The following MFHAS1 variants were observed in gnomAD, a reference collection of about 807,000 sequenced individuals.
MFHAS1 encodes malignant fibrous histiocytoma-amplified sequence 1.
MFHAS1 carries 50 observed loss-of-function variants against 70.4 expected under a neutral mutation model. That is an observed-to-expected ratio of 0.71 (90% CI 0.57 to 0.90). The LOEUF (loss-of-function observed/expected upper bound fraction) is 0.90. Ranked by LOEUF, MFHAS1 falls within the 40% of genes least tolerant of loss-of-function variation. The probability of loss-of-function intolerance (pLI) is 0.00; values close to 1 mark genes in which losing one functional copy is unlikely to be tolerated. For synonymous variants in MFHAS1, 952 were observed against 620.0 expected, an observed-to-expected ratio of 1.54 and a Z score of -7.96; for missense variants, 1,795 against 1,347.6, an observed-to-expected ratio of 1.33 and a Z score of -5.20.
intron 2 of MFHAS1, among the ~76,000 whole-genome samples, chr8:8,791,979 C>T (rs564847777): frequency 2.0e-5 from 3 of 152,264 alleles, no homozygotes; most frequent in Non-Finnish European, 4.4e-5. Flanking sequence ...CGGTGGCTCA[C>T]GCCTGTAATC....
chr8:8,808,496 C>T (rs1806419695), intron 1 of MFHAS1, among the ~76,000 whole-genome samples: 1 of 152,120 alleles, frequency 6.6e-6, no homozygotes, highest in African/African-American at 2.4e-5. Context: ...TTTGGATCTG[C>T]CAAAGAGAAG....
chr8:8,832,086 A>ACACACACG (rs1447418635), intron 1 of MFHAS1, among the ~76,000 whole-genome samples: 43 of 151,718 alleles, frequency 2.8e-4, no homozygotes, highest in African/African-American at 9.7e-4. Context: ...ACACACACAC[A>ACACACACG]CACGCACCAA....
In MFHAS1 at chr8:8,801,499, C is replaced by T. The variant is rs143439943; in HGVS notation, c.2999-4008G>A. ...TTGTATACTCCAACAACCTACTACG[C>T]GGTGCCAGTATCCTCAGGATTTAAG... On this transcript the variant is annotated intron_variant, in intron 1 of 2. Coordinates refer to ENST00000276282, the MANE Select transcript of MFHAS1 (RefSeq NM_004225.3). 4.6e-5 allele frequency among the ~76,000 whole-genome samples: 7 copies of T among 152,290 alleles called. No individual in the cohort carries two copies. The East Asian group carries it at 5.8e-4, about 13-fold the overall frequency.
chr8:8,819,292 A>T (rs1311797755), intron 1 of MFHAS1, among the ~76,000 whole-genome samples: 1 of 152,196 alleles, frequency 6.6e-6, no homozygotes, highest in African/African-American at 2.4e-5. Flanking sequence ...TTTTTAAACC[A>T]TAGAGCATTT....
chr8:8,831,947 A>T (rs572097314), intron 1 of MFHAS1, among the ~76,000 whole-genome samples: 1 of 152,248 alleles, frequency 6.6e-6, no homozygotes, highest in South Asian at 2.1e-4. Flanking sequence ...AGGCAATTTA[A>T]AGGAGAAAGA....
intron 1 of MFHAS1, among the ~76,000 whole-genome samples, chr8:8,823,355 G>A (rs962318258): frequency 1.3e-5 from 2 of 152,058 alleles, no homozygotes; most frequent in African/African-American, 4.8e-5. Flanking sequence ...GGGCATCGCT[G>A]CCAGAACAAA....
intron 1 of MFHAS1, among the ~76,000 whole-genome samples, chr8:8,854,008 GTCTT>G (rs1808340567): frequency 6.6e-6 from 1 of 152,182 alleles, no homozygotes; most frequent in South Asian, 2.1e-4. Context: ...ACCTTGATTT[GTCTT>G]AGTTGTGTTC....
In MFHAS1 at chr8:8,808,115, A is replaced by G. The variant is rs555509683; in HGVS notation, c.2999-10624T>C. 5.3e-5 allele frequency among the ~76,000 whole-genome samples: 8 copies of G among 151,794 alleles called. No individual in the cohort carries two copies. In the East Asian group the frequency reaches 1.2e-3, roughly 22 times the overall value. ...AATCTCCTGTGTCCACTGTCCCCAC[A>G]CTGTAGACGCTCCCCTGGGAACCCT... On this transcript the variant is annotated intron_variant, in intron 1 of 2. Transcript: ENST00000276282.
At chr8:8,867,023 G>C (rs1445235104) in intron 1 of MFHAS1, among the ~76,000 whole-genome samples, 85 of 152,146 alleles carry the variant, frequency 5.6e-4, no homozygotes, top group Admixed American at 5.6e-3. Context: ...AAAAGAAAGA[G>C]AAAGAGAGAT....
At chr8:8,889,030 C>CAAAAAAAAAAAAAAAAAA (rs35143515) in intron 1 of MFHAS1, among the ~76,000 whole-genome samples, 1 of 99,046 alleles carries the variant, frequency 1.0e-5, no homozygotes, top group Non-Finnish European at 2.0e-5. Context: ...AAAAAGTCTT[C>CAAAAAAAAAAAAAAAAAA]AAAAAAAAAA....
chr8:8,867,988 T>C (rs1010694184), intron 1 of MFHAS1, among the ~76,000 whole-genome samples: 2 of 152,176 alleles, frequency 1.3e-5, no homozygotes, highest in Non-Finnish European at 2.9e-5. Flanking sequence ...AGTTTTTCCA[T>C]GGCCCCACTC....
chr8:8,796,272 T>A (rs1056540444), intron 2 of MFHAS1, among the ~76,000 whole-genome samples: 2 of 152,140 alleles, frequency 1.3e-5, no homozygotes, highest in African/African-American at 4.8e-5. Context: ...AGGGACTGAC[T>A]CCGCAATCAG....
In MFHAS1 at chr8:8,830,202, C is replaced by T. The variant is rs559994464; in HGVS notation, c.2999-32711G>A. 2.0e-5 allele frequency among the ~76,000 whole-genome samples: 3 copies of T among 152,216 alleles called. No individual in the cohort carries two copies. In the South Asian group the frequency reaches 6.2e-4, roughly 32 times the overall value. On this transcript the variant is annotated intron_variant, in intron 1 of 2. Coordinates refer to ENST00000276282, the MANE Select transcript of MFHAS1 (RefSeq NM_004225.3). ...ATTAACTAAGGAGAAAGCATGGCTT[C>T]GAGTTCTGTGTCAGGAAACACCAAG...
chr8:8,877,510 G>A (rs374138546), intron 1 of MFHAS1, among the ~76,000 whole-genome samples: 6 of 152,188 alleles, frequency 3.9e-5, no homozygotes, highest in Non-Finnish European at 5.9e-5. Flanking sequence ...AGGGAAAATC[G>A]ATGTTCTGGA....
chr8:8,887,369 T>A (rs1809800236), intron 1 of MFHAS1, among the ~76,000 whole-genome samples: 1 of 152,068 alleles, frequency 6.6e-6, no homozygotes, highest in Non-Finnish European at 1.5e-5. Flanking sequence ...ATGATGGCTA[T>A]CACAGAAAAA....
chr8:8,891,957 C>A lies in MFHAS1; in HGVS notation c.1102G>T (p.Gly368Cys), dbSNP rs772091700. The A allele has an allele frequency of 6.2e-7, 1 of 1,611,992 alleles. No homozygotes were observed. Among genetic ancestry groups the A allele is most frequent in the Non-Finnish European group, 8.5e-7 (1 of 1,179,006 alleles). The change falls in exon 1 of 3, where the codon GGT (glycine) becomes TGT (cysteine). Residue 368 changes from glycine (G) to cysteine (C), a missense_variant. Coordinates refer to ENST00000276282, the MANE Select transcript of MFHAS1 (RefSeq NM_004225.3). The surrounding 1 kb of genome is among the most constrained non-coding windows in gnomAD (Gnocchi z 5.4). ...GGGTTGTCTTTGATCTTCCACAAAC[C>A]CACCCGGGAGAGCTGGCCAAAGTGG... ...PDHFGQLSRV[G>C]LWKIKDNPLI...
At chr8:8,832,517 A>G (rs76510723) in intron 1 of MFHAS1, among the ~76,000 whole-genome samples, 3,069 of 152,176 alleles carry the variant, frequency 0.02, 99 homozygotes, top group African/African-American at 0.07. Flanking sequence ...TATCAGAAAC[A>G]CAAACAGAAA....
At position 8,840,461 on chromosome 8, in the gene MFHAS1, C is replaced by CAAAA. The variant is rs141909980; in HGVS notation, c.2999-42974_2999-42971dup. 9.7e-3 allele frequency among the ~76,000 whole-genome samples: 790 copies of CAAAA among 81,214 alleles called. 1 individual carries two copies. The highest frequency in any genetic ancestry group is 0.015 in the East Asian group (31 of 2,030). 53.3% of individuals were successfully genotyped at this position (81,214 alleles called of 152,430 possible). A position where few individuals can be genotyped will look rare whatever the true frequency, so the allele number is the denominator to read the frequency against. On this transcript the variant is annotated intron_variant, in intron 1 of 2. Transcript: ENST00000276282. ...CACAGAGTGAGACTCCATCTCAATA[C>CAAAA]AAAAAAAAAAAAAAAAAAAAAGAAT...
intron 1 of MFHAS1, among the ~76,000 whole-genome samples, chr8:8,868,688 G>C (rs754393384): frequency 3.9e-4 from 60 of 152,096 alleles, no homozygotes; most frequent in Non-Finnish European, 2.9e-4. Context: ...CATGAGTCAG[G>C]CATGACACCT....
Sources: gnomAD v4.1 joint callset for allele counts (sites outside exome capture counted in the v4.1 genomes callset) on GRCh38, gnomAD v4.1.1 for gene constraint, Gnocchi (gnomAD v3.1) non-coding constraint, MANE v1.5 for transcripts, NCBI Gene and HGNC (gene_info 2026-07-23, HGNC 2026-07-21) for gene names.